The following SENP7 variants were observed in gnomAD, a reference collection of about 807,000 sequenced individuals.
SENP7 encodes SUMO specific peptidase 7, also known as sentrin-specific protease 7.
Under a neutral mutation model 141.2 loss-of-function variants are expected in SENP7, and 64 were observed. That is an observed-to-expected ratio of 0.45 (90% CI 0.37 to 0.56). The LOEUF (loss-of-function observed/expected upper bound fraction) is 0.56, where lower values mean the gene tolerates loss of function less well. Ranked by LOEUF, SENP7 falls within the 20% of genes least tolerant of loss-of-function variation. SENP7 has a pLI of 0.00. For missense variants in SENP7, 1,025 were observed against 1,212.2 expected (o/e 0.85, Z 2.29); for synonymous variants, 382 against 426.4 (o/e 0.90, Z 1.28).
At chr3:101,434,400 C>A (rs1030453548) in intron 4 of SENP7, among the ~76,000 whole-genome samples, 2 of 150,404 alleles carry the variant, frequency 1.3e-5, no homozygotes, top group African/African-American at 4.9e-5. Context: ...CAAACCAAAC[C>A]CAAAATTAGA....
intron 13 of SENP7, among the ~76,000 whole-genome samples, chr3:101,346,902 A>T (rs1468413635): frequency 4.1e-5 from 6 of 147,494 alleles, no homozygotes; most frequent in African/African-American, 1.5e-4. Context: ...AAACCCATGG[A>T]AATAAAAAAA....
intron 7 of SENP7, among the ~76,000 whole-genome samples, chr3:101,370,390 A>ACAGT (rs2060146891): frequency 6.6e-6 from 1 of 152,144 alleles, no homozygotes; most frequent in African/African-American, 2.4e-5. Context: ...GGTAATCAAT[A>ACAGT]CAGTCATCCC....
At chr3:101,439,145 G>A (rs1165394433) in intron 4 of SENP7, among the ~76,000 whole-genome samples, 6 of 108,212 alleles carry the variant, frequency 5.5e-5, no homozygotes, top group South Asian at 3.3e-4. Flanking sequence ...CTGCCCGGCC[G>A]CCCATCGTCT....
chr3:101,484,321 C>G (rs925652779), intron 3 of SENP7, among the ~76,000 whole-genome samples: 2 of 152,110 alleles, frequency 1.3e-5, no homozygotes, highest in African/African-American at 4.8e-5. Context: ...TCTAAATATA[C>G]GAAGAACTCT....
At position 101,327,578 on chromosome 3, in the gene SENP7, G is replaced by A; in HGVS notation, c.3015+88C>T. 3 of 951,048 alleles carry A rather than the reference G, an allele frequency of 3.2e-6. No homozygotes were observed. The South Asian group carries it at 6.5e-5, about 21-fold the overall frequency. 58.9% of individuals were successfully genotyped at this position (951,048 alleles called of 1,614,324 possible). On this transcript the variant is annotated intron_variant, in intron 23 of 23. Transcript: ENST00000394095. ...CCCAGTCTTGGGTATGTCTTTATTA[G>A]CAGCATGAGAACGGACTATTACACC...
At chr3:101,340,488 T>A (rs975830472) in intron 15 of SENP7, 1 of 317,112 alleles carries the variant, frequency 3.2e-6, no homozygotes, top group African/African-American at 2.2e-5. Context: ...ATCAATAGGT[T>A]TTATCTCACA....
chr3:101,421,014 A>G (rs1287051481), intron 4 of SENP7, among the ~76,000 whole-genome samples: 1 of 152,206 alleles, frequency 6.6e-6, no homozygotes, highest in Non-Finnish European at 1.5e-5. Context: ...AATAAATAAA[A>G]GACATTTTGG....
At chr3:101,492,098 A>C (rs1256757534) in intron 3 of SENP7, among the ~76,000 whole-genome samples, 2 of 152,160 alleles carry the variant, frequency 1.3e-5, no homozygotes, top group African/African-American at 4.8e-5. Flanking sequence ...ATCTCAAAAA[A>C]AAAAAAATGG....
chr3:101,410,737 C>CG (rs1467981873), intron 5 of SENP7, among the ~76,000 whole-genome samples: 5 of 151,862 alleles, frequency 3.3e-5, no homozygotes, highest in African/African-American at 9.7e-5. Flanking sequence ...CCCAGCTACT[C>CG]GGGAGGCTGA....
chr3:101,473,647 T>C (rs1350572416), intron 3 of SENP7, among the ~76,000 whole-genome samples: 3 of 152,236 alleles, frequency 2.0e-5, no homozygotes, highest in African/African-American at 7.2e-5. Context: ...TTCTGTCAGA[T>C]GCATAGTTTG....
At chr3:101,458,846 T>C in intron 4 of SENP7, 109 bp downstream of exon 4, 2 of 641,520 alleles carry the variant, frequency 3.1e-6, no homozygotes, top group Non-Finnish European at 5.4e-6. Context: ...ATTCAAACCT[T>C]CTATTTTAAA....
chr3:101,508,006 G>T (rs534896296), intron 1 of SENP7, among the ~76,000 whole-genome samples: 2 of 129,866 alleles, frequency 1.5e-5, no homozygotes, highest in Non-Finnish European at 3.1e-5. Context: ...CTGAGATCAC[G>T]TCACTGCACT....
chr3:101,480,502 C>A (rs1322650182), intron 3 of SENP7, among the ~76,000 whole-genome samples: 1 of 152,134 alleles, frequency 6.6e-6, no homozygotes, highest in Non-Finnish European at 1.5e-5. Flanking sequence ...CTATTCCTCA[C>A]CATATACAAA....
At chr3:101,488,242 T>C (rs953684897) in intron 3 of SENP7, among the ~76,000 whole-genome samples, 1 of 152,162 alleles carries the variant, frequency 6.6e-6, no homozygotes, top group African/African-American at 2.4e-5. Flanking sequence ...ATTGTGTTCT[T>C]GATTTGACTC....
At chr3:101,375,186 T>A (rs1214817205) in intron 6 of SENP7, among the ~76,000 whole-genome samples, 3 of 152,148 alleles carry the variant, frequency 2.0e-5, no homozygotes, top group Non-Finnish European at 4.4e-5. Flanking sequence ...TGTTCAACAG[T>A]GCAGTCACTG....
intron 3 of SENP7, among the ~76,000 whole-genome samples, chr3:101,462,519 C>T (rs2063580830): frequency 6.8e-6 from 1 of 147,024 alleles, no homozygotes; most frequent in South Asian, 2.2e-4. Context: ...CCAGCCTGGG[C>T]AACAAGAGTG....
intron 3 of SENP7, among the ~76,000 whole-genome samples, chr3:101,467,419 C>A (rs1013600829): frequency 6.6e-6 from 1 of 152,240 alleles, no homozygotes; most frequent in Non-Finnish European, 1.5e-5. Flanking sequence ...AACTGGGAGA[C>A]GCCTCCCATT....
chr3:101,398,124 G>A (rs565751774), intron 6 of SENP7, among the ~76,000 whole-genome samples: 3 of 152,160 alleles, frequency 2.0e-5, no homozygotes, highest in African/African-American at 7.2e-5. Flanking sequence ...ACTATTTACT[G>A]AGCACTAAGT....
At chr3:101,407,979 A>G (rs774856170) in intron 5 of SENP7, among the ~76,000 whole-genome samples, 6 of 152,134 alleles carry the variant, frequency 3.9e-5, no homozygotes, top group Non-Finnish European at 7.4e-5. Flanking sequence ...ACAAAAGATA[A>G]ATGAAACAAA....
Sources: allele counts gnomAD v4.1 joint callset (sites outside exome capture counted in the v4.1 genomes callset), GRCh38; gene constraint gnomAD v4.1.1; transcripts MANE v1.5; gene names NCBI Gene and HGNC (gene_info 2026-07-23, HGNC 2026-07-21).